Variants in UST observed in about 807,000 individuals in gnomAD.
The protein encoded by UST is uronyl 2-sulfotransferase.
In UST, 21 loss-of-function variants were observed where a neutral mutation model predicts 45.6. The observed-to-expected ratio is 0.46, with a 90% CI of 0.33 to 0.66. The LOEUF is 0.66. UST is among the 30% of genes least tolerant of loss of function. The pLI is 0.02. For synonymous variants in UST, 215 were observed against 200.6 expected (o/e 1.07, Z -0.61); for missense variants, 463 against 512.4 (o/e 0.90, Z 0.93).
chr6:148,990,425 A>T, intron 5 of UST: 1 of 985,236 alleles, frequency 1.0e-6, no homozygotes, highest in Non-Finnish European at 1.2e-6. Context: ...ATGTTTCATG[A>T]TAAGGTAACT....
At chr6:148,782,961 T>C (rs1055744303) in intron 1 of UST, among the ~76,000 whole-genome samples, 1 of 152,236 alleles carries the variant, frequency 6.6e-6, no homozygotes, top group African/African-American at 2.4e-5. Flanking sequence ...AACCACATCA[T>C]ATGCTATGGA....
chr6:148,844,954 T>C (rs1190666449), intron 1 of UST, among the ~76,000 whole-genome samples: 1 of 152,166 alleles, frequency 6.6e-6, no homozygotes, highest in East Asian at 1.9e-4. Flanking sequence ...AGAACATGGT[T>C]TCATTGTTGT....
chr6:149,038,733 C>G (rs1247884589), intron 7 of UST, among the ~76,000 whole-genome samples: 1 of 152,142 alleles, frequency 6.6e-6, no homozygotes, highest in African/African-American at 2.4e-5. Context: ...CTGTGAGGAG[C>G]AAACCTTGGA....
intron 5 of UST, among the ~76,000 whole-genome samples, chr6:149,012,470 GAC>G (rs1439378795): frequency 6.6e-6 from 1 of 152,178 alleles, no homozygotes; most frequent in African/African-American, 2.4e-5. Context: ...AATGGTGAAT[GAC>G]AGTCATTTTT....
chr6:148,918,791 T>G (rs967232524), intron 2 of UST, among the ~76,000 whole-genome samples: 2 of 152,226 alleles, frequency 1.3e-5, no homozygotes, highest in Non-Finnish European at 2.9e-5. Context: ...CTTTTTTCTT[T>G]ACTTTCCTTA....
chr6:149,013,388 T>C (rs528861829), intron 5 of UST, among the ~76,000 whole-genome samples: 1 of 152,040 alleles, frequency 6.6e-6, no homozygotes, highest in South Asian at 2.1e-4. Flanking sequence ...TAGCCGGGCA[T>C]GGTGGTGGCT....
In UST at chr6:149,005,312, T is replaced by C. The variant is rs976887019; in HGVS notation, c.682-13827T>C. 15 of 985,202 alleles carry C rather than the reference T, an allele frequency of 1.5e-5. No homozygotes were observed. The African/African-American group carries it at 2.3e-4, about 15-fold the overall frequency. The allele number at this position is 985,202 out of a possible 1,614,324, so 61.0% of individuals were successfully genotyped here. On this transcript the variant is annotated intron_variant, in intron 5 of 7. Coordinates refer to ENST00000367463, the MANE Select transcript of UST (RefSeq NM_005715.3). ...TCTCTTCTGGGTCCAGGATCAGCCA[T>C]AGAATTGGAGAGGGTTGAGCGGCCC...
chr6:149,033,142 C>G (rs1776181078), intron 7 of UST, among the ~76,000 whole-genome samples: 1 of 152,170 alleles, frequency 6.6e-6, no homozygotes, highest in Admixed American at 6.5e-5. Flanking sequence ...TTCTTTTATG[C>G]TTAAATTGTC....
At chr6:148,832,324 A>G (rs1324773261) in intron 1 of UST, among the ~76,000 whole-genome samples, 3 of 152,204 alleles carry the variant, frequency 2.0e-5, no homozygotes, top group African/African-American at 7.2e-5. Flanking sequence ...ATCTGAGGAT[A>G]TTGTGAGATC....
At position 148,751,984 on chromosome 6, in the gene UST, T is replaced by C. The variant is rs191930496; in HGVS notation, c.247+4307T>C. ...TAATGATCTATCATCCAGCCTTGGA[T>C]ATGTGATTTAGACTTTATGGGAGCT... On this transcript the variant is annotated intron_variant, in intron 1 of 7. Coordinates refer to ENST00000367463, the MANE Select transcript of UST (RefSeq NM_005715.3). Among the ~76,000 whole-genome samples, 27 of 152,336 alleles carry C rather than the reference T, an allele frequency of 1.8e-4. No individual in the cohort carries two copies. In the East Asian group the frequency reaches 5.0e-3, roughly 28 times the overall value.
At chr6:148,803,754 C>T (rs958020623) in intron 1 of UST, among the ~76,000 whole-genome samples, 1 of 152,212 alleles carries the variant, frequency 6.6e-6, no homozygotes, top group Non-Finnish European at 1.5e-5. Flanking sequence ...GCTCCTCTTG[C>T]TTCTCCATCA....
At chr6:148,926,212 A>G (rs888359021) in intron 2 of UST, among the ~76,000 whole-genome samples, 8 of 152,248 alleles carry the variant, frequency 5.3e-5, no homozygotes, top group African/African-American at 1.9e-4. Context: ...TCAGTGTACT[A>G]CAGGATCAAA....
At chr6:148,805,834 A>G (rs1003063116) in intron 1 of UST, among the ~76,000 whole-genome samples, 1 of 152,230 alleles carries the variant, frequency 6.6e-6, no homozygotes, top group Admixed American at 6.5e-5. Context: ...CAGGTTTTAT[A>G]ACTTCAAAAC....
At chr6:148,890,176 G>C (rs546145974) in intron 2 of UST, among the ~76,000 whole-genome samples, 46 of 152,238 alleles carry the variant, frequency 3.0e-4, no homozygotes, top group African/African-American at 1.0e-3. Context: ...TATAAAAATG[G>C]GTAAAAATAT....
At chr6:148,759,129 C>T (rs1020185522) in intron 1 of UST, among the ~76,000 whole-genome samples, 1 of 152,154 alleles carries the variant, frequency 6.6e-6, no homozygotes, top group African/African-American at 2.4e-5. Context: ...CAGCTGTTTC[C>T]GTTCCTTAGG....
chr6:149,034,780 G>T (rs1463997703), intron 7 of UST, among the ~76,000 whole-genome samples: 1 of 143,754 alleles, frequency 7.0e-6, no homozygotes, highest in Non-Finnish European at 1.5e-5. Flanking sequence ...GGTCTGAAAA[G>T]CTCAGTATTC....
At chr6:148,828,187 T>C (rs1020652137) in intron 1 of UST, among the ~76,000 whole-genome samples, 1 of 151,976 alleles carries the variant, frequency 6.6e-6, no homozygotes, top group African/African-American at 2.4e-5. Context: ...TTTGTTCAAC[T>C]TAGGTCTGAT....
At chr6:148,882,015 C>T (rs1264978319) in intron 1 of UST, among the ~76,000 whole-genome samples, 2 of 152,084 alleles carry the variant, frequency 1.3e-5, no homozygotes, top group East Asian at 1.9e-4. Context: ...CTTTTCTTTC[C>T]CCCTTTCTAT....
At chr6:148,876,988 G>T (rs1778668489) in intron 1 of UST, among the ~76,000 whole-genome samples, 1 of 77,010 alleles carries the variant, frequency 1.3e-5, no homozygotes, top group Non-Finnish European at 2.6e-5. Flanking sequence ...GTATGAGTGT[G>T]GGGGGTCATA....
Sources: gnomAD v4.1 joint callset for allele counts (sites outside exome capture counted in the v4.1 genomes callset) on GRCh38, gnomAD v4.1.1 for gene constraint, MANE v1.5 for transcripts, NCBI Gene and HGNC (gene_info 2026-07-23, HGNC 2026-07-21) for gene names.